Variants in MTHFD2L observed in about 807,000 individuals in gnomAD.
MTHFD2L encodes the protein methylenetetrahydrofolate dehydrogenase (NADP+ dependent) 2 like.
MTHFD2L carries 29 observed loss-of-function variants against 34.9 expected under a neutral mutation model. That is an observed-to-expected ratio of 0.83 (90% confidence interval 0.62 to 1.13). MTHFD2L has a LOEUF of 1.13. Ranked by LOEUF, MTHFD2L falls within the 50% of genes most tolerant of loss-of-function variation. MTHFD2L has a pLI of 0.00. For synonymous variants in MTHFD2L, 167 were observed against 155.7 expected, an observed-to-expected ratio of 1.07 and a Z score of -0.54; for missense variants, 481 against 446.5, an observed-to-expected ratio of 1.08 and a Z score of -0.70.
At chr4:74,141,252 G>C (rs1422521557) in intron 1 of MTHFD2L, among the ~76,000 whole-genome samples, 2 of 152,142 alleles carry the variant, frequency 1.3e-5, no homozygotes, top group Admixed American at 6.5e-5. Flanking sequence ...GCTTAAGCAG[G>C]GTTGATTACT....
At chr4:74,281,273 G>C in intron 6 of MTHFD2L, 152 bp from the exon 7 acceptor site, 1 of 726,866 alleles carries the variant, frequency 1.4e-6, no homozygotes, top group Non-Finnish European at 2.1e-6. Context: ...TATTCTCTCG[G>C]ATCAGAAATC....
At chr4:74,156,590 T>C (rs1724278639), upstream of MTHFD2L, 1 of 152,180 alleles carries the variant, frequency 6.6e-6, no homozygotes, top group African/African-American at 2.4e-5. Context: ...GGTTGCTGGA[T>C]TGCATGGTTA....
At chr4:74,201,906 G>A (rs947365520) in intron 5 of MTHFD2L, among the ~76,000 whole-genome samples, 14 of 152,252 alleles carry the variant, frequency 9.2e-5, no homozygotes, top group Admixed American at 5.2e-4. Context: ...GCCATTCCAG[G>A]TGTTGGTCAT....
At chr4:74,272,712 T>C (rs1746147234) in intron 6 of MTHFD2L, among the ~76,000 whole-genome samples, 1 of 152,138 alleles carries the variant, frequency 6.6e-6, no homozygotes, top group South Asian at 2.1e-4. Flanking sequence ...AACAGGGTGC[T>C]AGAGGTCTGG....
At chr4:74,239,624 G>A (rs1474512269) in intron 6 of MTHFD2L, among the ~76,000 whole-genome samples, 6 of 152,018 alleles carry the variant, frequency 3.9e-5, no homozygotes, top group Admixed American at 3.9e-4. Flanking sequence ...AACGAGTACT[G>A]TGCAGAAGTG....
intron 5 of MTHFD2L, among the ~76,000 whole-genome samples, chr4:74,205,676 A>G (rs1735174713): frequency 6.6e-6 from 1 of 152,158 alleles, no homozygotes. Context: ...GACACTCAAT[A>G]CAACAAGGAA....
At chr4:74,186,034 A>G (rs556836935) in intron 3 of MTHFD2L, among the ~76,000 whole-genome samples, 2 of 152,280 alleles carry the variant, frequency 1.3e-5, no homozygotes, top group South Asian at 4.1e-4. Context: ...ATTCATCATG[A>G]CCAAATGTGT....
chr4:74,254,844 T>C (rs555201835), intron 6 of MTHFD2L, among the ~76,000 whole-genome samples: 144 of 151,450 alleles, frequency 9.5e-4, no homozygotes, highest in Admixed American at 2.2e-3. Context: ...CTGCAAGAAT[T>C]AGTTAATTGG....
At position 74,201,322 on chromosome 4, in the gene MTHFD2L, C is replaced by T; in HGVS notation, c.664C>T (p.Pro222Ser). Reference protein sequence around the residue: ...VAGRSKNVGMPIAMLLHTDGE... With the variant: ...VAGRSKNVGMSIAMLLHTDGE... Reference sequence around the variant, plus strand: ...TGGAAGATCCAAGAACGTAGGGATGCCTATTGCCATGCTTTTACACACTGA... The same window carrying T: ...TGGAAGATCCAAGAACGTAGGGATGTCTATTGCCATGCTTTTACACACTGA... The change falls in exon 5 of 8, where the codon CCT (proline) becomes TCT (serine). Residue 222 changes from proline to serine, a missense_variant. Pro to Ser is a moderately conservative substitution (Grantham distance 74). Coordinates refer to ENST00000325278, the MANE Select transcript of MTHFD2L (RefSeq NM_001144978.3). The T allele has an allele frequency of 5.6e-6, 9 of 1,613,690 alleles. No homozygotes were observed. Among genetic ancestry groups the T allele is most frequent in the Non-Finnish European group, 7.6e-6 (9 of 1,179,810 alleles).
chr4:74,248,713 T>G (rs1362772078), intron 6 of MTHFD2L, among the ~76,000 whole-genome samples: 2 of 150,580 alleles, frequency 1.3e-5, no homozygotes, highest in Non-Finnish European at 3.0e-5. Flanking sequence ...AGAACATCTT[T>G]ATTTCTGCCT....
At chr4:74,278,938 T>C (rs1483030222) in intron 6 of MTHFD2L, among the ~76,000 whole-genome samples, 2 of 152,082 alleles carry the variant, frequency 1.3e-5, no homozygotes, top group African/African-American at 4.8e-5. Context: ...ACAAATGCAT[T>C]GGTCGACAGT....
chr4:74,149,975 C>A (rs1172849562), intron 1 of MTHFD2L, among the ~76,000 whole-genome samples: 2 of 151,884 alleles, frequency 1.3e-5, no homozygotes, highest in Admixed American at 1.3e-4. Flanking sequence ...GAATAGAGAC[C>A]CTCCCCTGGC....
At chr4:74,295,414 C>T (rs905100567) in intron 7 of MTHFD2L, among the ~76,000 whole-genome samples, 7 of 152,076 alleles carry the variant, frequency 4.6e-5, no homozygotes, top group African/African-American at 9.7e-5. Flanking sequence ...ATCCCCATAT[C>T]GGATTTATGT....
At chr4:74,140,443 A>T in intron 1 of MTHFD2L, 1 of 434,436 alleles carries the variant, frequency 2.3e-6, no homozygotes, top group Non-Finnish European at 3.1e-6. Context: ...GTAATTAATT[A>T]ACTTAATCCA....
chr4:74,267,491 A>G (rs1448964318), intron 6 of MTHFD2L, among the ~76,000 whole-genome samples: 1 of 150,548 alleles, frequency 6.6e-6, no homozygotes, highest in Non-Finnish European at 1.5e-5. Flanking sequence ...GCCTCAATCC[A>G]CCGCCCACCC....
chr4:74,244,966 G>A (rs1211763189), intron 6 of MTHFD2L, among the ~76,000 whole-genome samples: 6 of 151,844 alleles, frequency 4.0e-5, no homozygotes, highest in Admixed American at 1.3e-4. Flanking sequence ...AGGCCGAGGC[G>A]GGCGGATCAC....
chr4:74,191,278 G>A (rs370992261), intron 3 of MTHFD2L, among the ~76,000 whole-genome samples: 24 of 151,912 alleles, frequency 1.6e-4, no homozygotes, highest in African/African-American at 5.8e-4. Flanking sequence ...TATTTGTTGA[G>A]TAAATAAATG....
At chr4:74,205,875 A>T (rs1026019238) in intron 5 of MTHFD2L, among the ~76,000 whole-genome samples, 1 of 152,158 alleles carries the variant, frequency 6.6e-6, no homozygotes, top group Non-Finnish European at 1.5e-5. Context: ...GGTAATTTAA[A>T]TTTTAAATAG....
intron 5 of MTHFD2L, among the ~76,000 whole-genome samples, chr4:74,217,219 T>C (rs1018368835): frequency 1.3e-5 from 2 of 151,900 alleles, no homozygotes; most frequent in African/African-American, 4.9e-5. Flanking sequence ...ATGTATTTCC[T>C]CACTTCCTTC....
Sources: gnomAD v4.1 joint callset for allele counts (sites outside exome capture counted in the v4.1 genomes callset) on GRCh38, gnomAD v4.1.1 for gene constraint, MANE v1.5 for transcripts, NCBI Gene and HGNC (gene_info 2026-07-23, HGNC 2026-07-21) for gene names.